The following EBF3 variants were observed in gnomAD, a reference collection of about 807,000 sequenced individuals.
EBF3 encodes the protein transcription factor COE3.
In EBF3, 18 loss-of-function variants were observed where a neutral mutation model predicts 77.1. That is an observed-to-expected ratio of 0.23 (90% CI 0.16 to 0.35). EBF3 has a LOEUF of 0.35. Ranked by LOEUF, EBF3 falls within the 10% of genes least tolerant of loss-of-function variation. The pLI is 1.00. For synonymous variants in EBF3, 350 were observed against 343.5 expected, an observed-to-expected ratio of 1.02 and a Z score of -0.21; for missense variants, 558 against 860.0, an observed-to-expected ratio of 0.65 and a Z score of 4.39.
chr10:129,882,402 A>C (rs1853271446), intron 6 of EBF3, among the ~76,000 whole-genome samples: 2 of 152,248 alleles, frequency 1.3e-5, no homozygotes, highest in African/African-American at 2.4e-5. Context: ...ATTTAATGGA[A>C]TATCAAGGAG....
intron 6 of EBF3, among the ~76,000 whole-genome samples, chr10:129,919,503 G>A (rs1321706807): frequency 6.6e-6 from 1 of 152,122 alleles, no homozygotes; most frequent in Non-Finnish European, 1.5e-5. Context: ...GTGCTGAAAG[G>A]GGCCAACAAC....
Position 129,848,585 on chromosome 10 carries a change from G to A in EBF3, c.1040-105C>T. ...AAATGTGTAGTTCTCCTGCTCTGAT[G>A]CTCTCTAAGGCAAGCACCCCTGAAT... On this transcript the variant is annotated intron_variant, in intron 10 of 16. Transcript: ENST00000440978. The surrounding 1 kb of genome is among the most constrained non-coding windows in gnomAD (Gnocchi z 4.4). The A allele has an allele frequency of 8.3e-7, 1 of 1,200,502 alleles. No individual in the cohort carries two copies. 74.4% of individuals were successfully genotyped at this position (1,200,502 alleles called of 1,614,324 possible).
chr10:129,862,263 G>A (rs1010771885), intron 10 of EBF3, among the ~76,000 whole-genome samples: 1 of 152,172 alleles, frequency 6.6e-6, no homozygotes, highest in Middle Eastern at 3.2e-3. Flanking sequence ...CTGAATGAAC[G>A]TCCTTGTGCA....
chr10:129,843,815 T>A (rs992113778), intron 11 of EBF3, among the ~76,000 whole-genome samples: 3 of 152,254 alleles, frequency 2.0e-5, no homozygotes, highest in Admixed American at 2.0e-4. Flanking sequence ...CCTCTTTGAC[T>A]GCATGTTGTA....
intron 6 of EBF3, among the ~76,000 whole-genome samples, chr10:129,946,422 T>C (rs1858229825): frequency 6.6e-6 from 1 of 152,226 alleles, no homozygotes; most frequent in Non-Finnish European, 1.5e-5. Flanking sequence ...TCATGACAAA[T>C]GTCCCGAACC....
At chr10:129,889,646 C>T (rs766571564) in intron 6 of EBF3, among the ~76,000 whole-genome samples, 5 of 152,110 alleles carry the variant, frequency 3.3e-5, no homozygotes, top group Non-Finnish European at 7.4e-5. Context: ...GGGAATCTTC[C>T]GTTCACTTTC....
At position 129,864,757 on chromosome 10, in the gene EBF3, C is replaced by T. The variant is rs148479370; in HGVS notation, c.1039+2384G>A. ...CAGGCACCTACACAGGAGCCCACCC[C>T]TGCCATGTGCCCGCCGAAGCTCAGG... On this transcript the variant is annotated intron_variant, in intron 10 of 16. Transcript: ENST00000440978. The surrounding 1 kb of genome is among the most constrained non-coding windows in gnomAD (Gnocchi z 4.4). 1.2e-4 allele frequency among the ~76,000 whole-genome samples: 19 copies of T among 152,356 alleles called. No individual in the cohort carries two copies. In the East Asian group the frequency reaches 3.7e-3, roughly 29 times the overall value.
At chr10:129,932,255 C>T (rs976860874) in intron 6 of EBF3, among the ~76,000 whole-genome samples, 1 of 152,216 alleles carries the variant, frequency 6.6e-6, no homozygotes, top group African/African-American at 2.4e-5. Context: ...AGACAGAGGC[C>T]TTCGTGGATA....
chr10:129,962,495 T>C (rs1859603008), intron 3 of EBF3, among the ~76,000 whole-genome samples: 2 of 151,918 alleles, frequency 1.3e-5, no homozygotes, highest in African/African-American at 2.4e-5. Context: ...GGTAGCTGTG[T>C]GCGGTGGGCC....
Position 129,842,255 on chromosome 10 carries a change from C to T in EBF3, c.1233G>A (p.Ala411=), listed in dbSNP as rs773075779. 17 of 1,610,994 alleles carry T rather than the reference C, an allele frequency of 1.1e-5. No homozygotes were observed. Among genetic ancestry groups the T allele is most frequent in the African/African-American group, 5.3e-5 (4 of 74,842 alleles). Residue 411 remains alanine, a synonymous_variant, in exon 13 of 17, where the codon GCG becomes GCA. Transcript: ENST00000440978. This position sits in a 1 kb window ranked among gnomAD's most constrained non-coding sequence, Gnocchi z 4.4. ...ILKRAADIAE[A]LYSVPRNHNQ... Reference sequence around the variant, plus strand: ...TGTGATTGCGGGGAACGCTGTACAGCGCCTCGGCGATGTCCGCCGCTCGCT... The same window carrying T: ...TGTGATTGCGGGGAACGCTGTACAGTGCCTCGGCGATGTCCGCCGCTCGCT...
chr10:129,892,099 C>T (rs999290346), intron 6 of EBF3, among the ~76,000 whole-genome samples: 11 of 152,216 alleles, frequency 7.2e-5, no homozygotes, highest in East Asian at 1.9e-4. Context: ...TTCTCAGCAG[C>T]GGCAAGAAAT....
intron 6 of EBF3, among the ~76,000 whole-genome samples, chr10:129,956,013 T>A (rs1859010357): frequency 6.6e-6 from 1 of 152,244 alleles, no homozygotes; most frequent in Non-Finnish European, 1.5e-5. Flanking sequence ...TCGAGTTCTA[T>A]AAAGTGTTGA....
In EBF3 at chr10:129,861,834, C is replaced by T. The variant is rs963332798; in HGVS notation, c.1039+5307G>A. Among the ~76,000 whole-genome samples the T allele has an allele frequency of 2.0e-5, 3 of 152,178 alleles. No individual in the cohort carries two copies. The highest frequency in any genetic ancestry group is 4.8e-5 in the African/African-American group (2 of 41,430). On this transcript the variant is annotated intron_variant, in intron 10 of 16. Transcript: ENST00000440978. This position sits in a 1 kb window ranked among gnomAD's most constrained non-coding sequence, Gnocchi z 4.3. ...TAGTAAAAATAGTATGATTTGTGGG[C>T]GGCAATTAAGCATCATTTGCTCTGT...
chr10:129,918,243 A>C (rs1023460675), intron 6 of EBF3, among the ~76,000 whole-genome samples: 2 of 152,232 alleles, frequency 1.3e-5, no homozygotes, highest in African/African-American at 4.8e-5. Flanking sequence ...GTCACAGCTT[A>C]GTTCCTCAAT....
intron 10 of EBF3, among the ~76,000 whole-genome samples, chr10:129,853,240 C>G (rs1038745706): frequency 2.6e-5 from 4 of 152,290 alleles, no homozygotes; most frequent in Middle Eastern, 3.4e-3. Context: ...TTAGCATTGC[C>G]TCTCCATTGT....
intron 6 of EBF3, among the ~76,000 whole-genome samples, chr10:129,921,909 C>T (rs1447539688): frequency 6.6e-6 from 1 of 152,244 alleles, no homozygotes; most frequent in Admixed American, 6.5e-5. Context: ...CCGCCCAAGC[C>T]TGGCCCGCCC....
chr10:129,909,808 C>G (rs558940712), intron 6 of EBF3, among the ~76,000 whole-genome samples: 6 of 152,362 alleles, frequency 3.9e-5, no homozygotes, highest in Non-Finnish European at 7.3e-5. Context: ...CCTGGGCTCA[C>G]AGACTCTAAG....
chr10:129,876,310 G>A (rs1054473096), intron 7 of EBF3, among the ~76,000 whole-genome samples: 7 of 152,238 alleles, frequency 4.6e-5, no homozygotes, highest in African/African-American at 1.7e-4. Flanking sequence ...AGTCAACCAC[G>A]AGATCACCTG....
intron 6 of EBF3, among the ~76,000 whole-genome samples, chr10:129,942,519 G>C (rs1160060785): frequency 6.6e-6 from 1 of 152,200 alleles, no homozygotes; most frequent in African/African-American, 2.4e-5. Context: ...TGTAGGGACA[G>C]CTGTGCAGCC....
Sources: gnomAD v4.1 joint callset for allele counts (sites outside exome capture counted in the v4.1 genomes callset) on GRCh38, gnomAD v4.1.1 for gene constraint, Gnocchi (gnomAD v3.1) non-coding constraint, MANE v1.5 for transcripts, NCBI Gene and HGNC (gene_info 2026-07-23, HGNC 2026-07-21) for gene names.